RBBP5: variants seen among roughly 807,000 people sequenced by gnomAD.
RBBP5 encodes the protein RB binding protein 5, histone lysine methyltransferase complex subunit, also known as retinoblastoma-binding protein 5.
In RBBP5, 5 loss-of-function variants were observed where a neutral mutation model predicts 72.2. The ratio of observed to expected loss-of-function variants is 0.07; its 90% CI spans 0.04 to 0.15. The LOEUF is 0.15. Ranked by LOEUF, RBBP5 falls within the 10% of genes least tolerant of loss-of-function variation. The probability of loss-of-function intolerance (pLI) is 1.00; values close to 1 mark genes in which losing one functional copy is unlikely to be tolerated. For missense variants in RBBP5, 322 were observed against 652.2 expected (o/e 0.49, Z 5.51); for synonymous variants, 209 against 237.2 (o/e 0.88, Z 1.09).
chr1:205,110,232 C>T (rs1253714977), intron 3 of RBBP5, among the ~76,000 whole-genome samples: 1 of 152,194 alleles, frequency 6.6e-6, no homozygotes, highest in East Asian at 1.9e-4. Flanking sequence ...GTTGTCCAGG[C>T]TGGTCTCGAA....
chr1:205,093,478 AAATATATATATATATATAT>A (rs1655454929), intron 13 of RBBP5, among the ~76,000 whole-genome samples: 2 of 5,718 alleles, frequency 3.5e-4, no homozygotes, highest in Non-Finnish European at 8.5e-4. Context: ...AAAAAAAAAA[AAATATATATATATATATAT>A]ATATATATAT....
intron 4 of RBBP5, among the ~76,000 whole-genome samples, chr1:205,104,712 G>T (rs889656972): frequency 6.6e-6 from 1 of 151,878 alleles, no homozygotes; most frequent in African/African-American, 2.4e-5. Flanking sequence ...ATGGTGGCAC[G>T]CACCTGCAGT....
intron 5 of RBBP5, among the ~76,000 whole-genome samples, chr1:205,102,934 G>A (rs185781880): frequency 1.8e-4 from 27 of 150,608 alleles, no homozygotes; most frequent in African/African-American, 5.9e-4. Context: ...GAGAGGTTGC[G>A]GTGAACTGAG....
Position 205,099,244 on chromosome 1 carries a change from G to T in RBBP5, c.979-138C>A. 1.9e-6 allele frequency: 1 copy of T among 531,726 alleles called. No individual in the cohort carries two copies. The highest frequency in any genetic ancestry group is 3.2e-6 in the Non-Finnish European group (1 of 316,488). The allele number at this position is 531,726 out of a possible 1,614,324, so 32.9% of individuals were successfully genotyped here. On this transcript the variant is annotated intron_variant, in intron 9 of 13. Coordinates refer to ENST00000264515, the MANE Select transcript of RBBP5 (RefSeq NM_005057.4). The surrounding 1 kb of genome is among the most constrained non-coding windows in gnomAD (Gnocchi z 4.7). ...AAATTTGGCAGACAAGAAAAAAATGGGTATCTGTAAGTTTTACTAGCTTAG... is the reference window on the plus strand; with the variant it reads ...AAATTTGGCAGACAAGAAAAAAATGTGTATCTGTAAGTTTTACTAGCTTAG...
intron 3 of RBBP5, among the ~76,000 whole-genome samples, chr1:205,110,663 A>G (rs993458504): frequency 6.6e-6 from 1 of 152,234 alleles, no homozygotes; most frequent in African/African-American, 2.4e-5. Context: ...TAGATATCTT[A>G]TAGATAGAAT....
In RBBP5 at chr1:205,088,729, C is replaced by T; in HGVS notation, c.*58G>A. 6.6e-7 allele frequency: 1 copy of T among 1,516,746 alleles called. No individual in the cohort carries two copies. Among genetic ancestry groups the T allele is most frequent in the Non-Finnish European group, 9.1e-7 (1 of 1,102,788 alleles). 94.0% of individuals were successfully genotyped at this position (1,516,746 alleles called of 1,614,324 possible). A position where few individuals can be genotyped will look rare whatever the true frequency, so the allele number is the denominator to read the frequency against. The stretch of plus-strand genomic sequence containing the variant: ...AAGTCAATTTTCAAATGACTGACCA[C>T]AGTGTCCAGAGGCCACATGATGGCA... On this transcript the variant is annotated 3_prime_UTR_variant, in exon 14 of 14. Transcript: ENST00000264515.
Position 205,105,177 on chromosome 1 carries a change from A to G in RBBP5, c.219-9T>C, listed in dbSNP as rs766652162. ...GACCATCTCGGCTCCAGCTGAGGAA[A>G]AAAAAGGGGTAATTTAGCACATATT... On this transcript the variant is annotated splice_polypyrimidine_tract_variant and intron_variant, in intron 3 of 13. Transcript: ENST00000264515. 4 of 1,606,794 alleles carry G rather than the reference A, an allele frequency of 2.5e-6. No homozygotes were observed. Among genetic ancestry groups the G allele is most frequent in the South Asian group, 2.2e-5 (2 of 91,030 alleles).
chr1:205,118,325 A>G (rs369130432), intron 1 of RBBP5, among the ~76,000 whole-genome samples: 1 of 151,978 alleles, frequency 6.6e-6, no homozygotes, highest in African/African-American at 2.4e-5. Flanking sequence ...AGATTAGAAA[A>G]TATCGGCCAG....
intron 13 of RBBP5, among the ~76,000 whole-genome samples, chr1:205,090,901 G>A (rs902463236): frequency 6.6e-5 from 10 of 150,656 alleles, no homozygotes; most frequent in Non-Finnish European, 1.3e-4. Flanking sequence ...GAAAAACAAA[G>A]AGAGAAAAAA....
intron 3 of RBBP5, 70 bp from the exon 4 acceptor site, chr1:205,105,238 G>T: frequency 6.5e-7 from 1 of 1,528,594 alleles, no homozygotes; most frequent in Non-Finnish European, 8.9e-7. Flanking sequence ...AATAAACTGT[G>T]TAAGTCACAC....
intron 2 of RBBP5, 127 bp from the exon 3 acceptor site, chr1:205,115,088 C>T (rs1656469682): frequency 1.1e-6 from 1 of 873,214 alleles, no homozygotes; most frequent in East Asian, 2.7e-5. Flanking sequence ...CAAATAATCT[C>T]TCTGTGTCTT....
Position 205,088,757 on chromosome 1 carries a change from G to A in RBBP5, c.*30C>T. 6.3e-7 allele frequency: 1 copy of A among 1,579,742 alleles called. No homozygotes were observed. The highest frequency in any genetic ancestry group is 8.7e-7 in the Non-Finnish European group (1 of 1,155,232). On this transcript the variant is annotated 3_prime_UTR_variant, in exon 14 of 14. Coordinates refer to ENST00000264515, the MANE Select transcript of RBBP5 (RefSeq NM_005057.4). Reference sequence around the variant, plus strand: ...TGTCCAGAGGCCACATGATGGCAAAGTGAGAAAGAATGAAGAACTTCGAAG... The same window carrying A: ...TGTCCAGAGGCCACATGATGGCAAAATGAGAAAGAATGAAGAACTTCGAAG...
intron 5 of RBBP5, among the ~76,000 whole-genome samples, chr1:205,103,560 A>T (rs1054189190): frequency 1.3e-5 from 2 of 152,200 alleles, no homozygotes; most frequent in African/African-American, 4.8e-5. Flanking sequence ...AGAAATTTTG[A>T]TCAGCAGTGT....
chr1:205,100,369 A>G, intron 6 of RBBP5, 98 bp from the exon 7 acceptor site: 2 of 1,392,826 alleles, frequency 1.4e-6, no homozygotes, highest in African/African-American at 2.9e-5. Flanking sequence ...AGGAAAAATC[A>G]AAGTAATAGA....
At chr1:205,117,039 G>A (rs185895713) in intron 1 of RBBP5, among the ~76,000 whole-genome samples, 5 of 151,388 alleles carry the variant, frequency 3.3e-5, no homozygotes, top group Admixed American at 1.3e-4. Flanking sequence ...TTTTTCGACC[G>A]GCCTGGTTTT....
chr1:205,089,860 T>C (rs1004036221), intron 13 of RBBP5, among the ~76,000 whole-genome samples: 12 of 152,236 alleles, frequency 7.9e-5, no homozygotes, highest in African/African-American at 2.9e-4. Flanking sequence ...TTATTTATTT[T>C]TATTTTTTTA....
chr1:205,095,794 A>G (rs565306382), intron 12 of RBBP5, among the ~76,000 whole-genome samples: 163 of 152,366 alleles, frequency 1.1e-3, no homozygotes, highest in Non-Finnish European at 1.9e-3. Context: ...TGTAAAAGTC[A>G]GCAATGGTAC....
At chr1:205,102,822 C>T (rs1655891989) in intron 5 of RBBP5, among the ~76,000 whole-genome samples, 1 of 151,754 alleles carries the variant, frequency 6.6e-6, no homozygotes, top group Admixed American at 6.6e-5. Flanking sequence ...GGAGAGACCC[C>T]GTCTCTACTA....
rs1268179012 is a variant in RBBP5 at position 205,101,610 on chromosome 1, G to C, written c.622C>G (p.Arg208Gly). The C allele has an allele frequency of 3.1e-6, 5 of 1,609,228 alleles. No individual in the cohort carries two copies. Among genetic ancestry groups the C allele is most frequent in the Non-Finnish European group, 4.2e-6 (5 of 1,177,404 alleles). ...TTAIKSIEFA[R>G]KGSCFLINTA... The stretch of plus-strand genomic sequence containing the variant: ...TAAGATCTCACTCACCTCCCCTTCC[G>C]GGCAAACTCAATTGACTTAATGGCT... The change falls in exon 6 of 14, where the codon CGG (arginine) becomes GGG (glycine). Residue 208 changes from arginine (R) to glycine (G), a missense_variant. By Grantham distance (125) the Arg-to-Gly change is moderately radical (BLOSUM62 -2). Coordinates refer to ENST00000264515, the MANE Select transcript of RBBP5 (RefSeq NM_005057.4).
Sources: gnomAD v4.1 joint callset for allele counts (sites outside exome capture counted in the v4.1 genomes callset) on GRCh38, gnomAD v4.1.1 for gene constraint, Gnocchi (gnomAD v3.1) non-coding constraint, MANE v1.5 for transcripts, NCBI Gene and HGNC (gene_info 2026-07-23, HGNC 2026-07-21) for gene names.